BRCA1: variants seen among roughly 807,000 people sequenced by gnomAD.
BRCA1 encodes the protein BRCA1 DNA repair associated.
A neutral mutation model predicts 173.7 loss-of-function variants in BRCA1; 140 were observed. The observed-to-expected ratio is 0.81, with a 90% confidence interval of 0.70 to 0.93. The LOEUF is 0.93. Among genes scored for constraint, BRCA1 ranks in the 40% least tolerant of loss-of-function variants. The pLI is 0.00. For synonymous variants in BRCA1, 662 were observed against 756.0 expected, an observed-to-expected ratio of 0.88 and a Z score of 2.04; for missense variants, 1,983 against 2,172.5, an observed-to-expected ratio of 0.91 and a Z score of 1.73.
chr17:43,138,727 C>T (rs189987468), intron 1 of BRCA1: 27 of 779,300 alleles, frequency 3.5e-5, no homozygotes, highest in Admixed American at 1.5e-4. Context: ...AAGGTAGTCA[C>T]GTGGAATTTG....
intron 2 of BRCA1, among the ~76,000 whole-genome samples, chr17:43,116,359 G>T (rs1356015179): frequency 6.6e-6 from 1 of 151,994 alleles, no homozygotes; most frequent in East Asian, 1.9e-4. Flanking sequence ...CCCTACCCCA[G>T]ATTATTTTAA....
intron 3 of BRCA1, chr17:43,110,433 A>G: frequency 3.3e-6 from 1 of 300,902 alleles, no homozygotes; most frequent in Non-Finnish European, 6.8e-6. Context: ...AGAAAACACA[A>G]AATTTAGCTG....
chr17:43,156,188 G>A (rs1268485437), intron 1 of BRCA1, among the ~76,000 whole-genome samples: 1 of 151,874 alleles, frequency 6.6e-6, no homozygotes, highest in Non-Finnish European at 1.5e-5. Context: ...AGTCAGATGA[G>A]ATTGTGCCAC....
intron 21 of BRCA1, among the ~76,000 whole-genome samples, chr17:43,048,201 C>T (rs911145048): frequency 6.6e-6 from 1 of 152,004 alleles, no homozygotes; most frequent in Non-Finnish European, 1.5e-5. Flanking sequence ...CCCATCATTT[C>T]TCTCTCTCTC....
At position 43,094,704 on chromosome 17, in the gene BRCA1, G is replaced by T. The variant is rs80357436; in HGVS notation, c.827C>A (p.Thr276Lys). ...CTGTAATGAGCTGGCATGAGTATTT[G>T]TGCCACATGGCTCCACATGCAAGTT... ...VSNLHVEPCGTNTHASSLQHE... is the reference protein window; with the variant it reads ...VSNLHVEPCGKNTHASSLQHE... The change falls in exon 10 of 23, where the codon ACA becomes AAA. Residue 276 changes from threonine to lysine, a missense_variant. By Grantham distance (78) the Thr-to-Lys change is moderately conservative (BLOSUM62 -1). Coordinates refer to ENST00000357654, the MANE Select transcript of BRCA1 (RefSeq NM_007294.4). The T allele has an allele frequency of 6.2e-7, 1 of 1,612,390 alleles. No individual in the cohort carries two copies. The highest frequency in any genetic ancestry group is 8.5e-7 in the Non-Finnish European group (1 of 1,178,946).
In BRCA1 at chr17:43,092,098, C is replaced by T. The variant is rs431825396; in HGVS notation, c.3433G>A (p.Val1145Ile). The change falls in exon 10 of 23, where the codon GTT becomes ATT. Residue 1145 changes from valine to isoleucine, a missense_variant. By Grantham distance (29) the Val-to-Ile change is conservative (BLOSUM62 3). Coordinates refer to ENST00000357654, the MANE Select transcript of BRCA1 (RefSeq NM_007294.4). ...AGGTCATCAGGTGTCTCAGAACAAA[C>T]CTGAGATGCATGACTACTTCCCATA... ...QPMGSSHASQ[V>I]CSETPDDLLD... 1.9e-6 allele frequency: 3 copies of T among 1,614,024 alleles called. No individual in the cohort carries two copies. Among genetic ancestry groups the T allele is most frequent in the East Asian group, 4.5e-5 (2 of 44,888 alleles).
At chr17:43,149,352 G>T (rs2154581589) in intron 1 of BRCA1, among the ~76,000 whole-genome samples, 1 of 150,574 alleles carries the variant, frequency 6.6e-6, no homozygotes, top group African/African-American at 2.4e-5. Context: ...CGCCCACCTT[G>T]GCCTCCCAAA....
chr17:43,092,329 T>C lies in BRCA1; in HGVS notation c.3202A>G (p.Ile1068Val). The C allele has an allele frequency of 6.2e-7, 1 of 1,614,014 alleles. No individual in the cohort carries two copies. The highest frequency in any genetic ancestry group is 8.5e-7 in the Non-Finnish European group (1 of 1,180,020). ...CTGTTTCTACCTAGTTCTGCTTGAA[T>C]GTTTTCATCACTGGAACCTATTTCA... is the stretch of plus-strand genomic sequence containing the variant. ...INEIGSSDEN[I>V]QAELGRNRGP... Residue 1068 changes from isoleucine (I) to valine (V), a missense_variant, in exon 10 of 23, where the codon ATT becomes GTT. Physicochemically the swap from Ile to Val is conservative, Grantham distance 29. Transcript: ENST00000357654.
At chr17:43,100,595 T>TGA (rs1491092005) in intron 6 of BRCA1, among the ~76,000 whole-genome samples, 2 of 61,990 alleles carry the variant, frequency 3.2e-5, no homozygotes, top group African/African-American at 1.6e-4. Flanking sequence ...CATATATATA[T>TGA]TATATATATA....
intron 12 of BRCA1, among the ~76,000 whole-genome samples, chr17:43,080,890 TAAAAA>T (rs200147389): frequency 6.7e-6 from 1 of 149,268 alleles, no homozygotes; most frequent in Non-Finnish European, 1.5e-5. Context: ...TGTCTCTACT[TAAAAA>T]AAAAATTAAA....
At chr17:43,115,666 G>C (rs2154565114) in intron 3 of BRCA1, 60 bp downstream of exon 3, 1 of 1,516,852 alleles carries the variant, frequency 6.6e-7, no homozygotes, top group East Asian at 2.3e-5. Context: ...GGTGTTTCCT[G>C]GGTTATGAAG....
At chr17:43,077,368 T>C (rs1295097110) in intron 12 of BRCA1, among the ~76,000 whole-genome samples, 1 of 151,564 alleles carries the variant, frequency 6.6e-6, no homozygotes, top group Non-Finnish European at 1.5e-5. Context: ...TCTCACTCTG[T>C]TGCCCAAGCT....
intron 3 of BRCA1, among the ~76,000 whole-genome samples, chr17:43,113,732 T>C (rs531692713): frequency 6.6e-6 from 1 of 152,192 alleles, no homozygotes; most frequent in Admixed American, 6.6e-5. Context: ...ATAATTTCCT[T>C]CTTCCACAAG....
At chr17:43,081,713 T>C (rs2053008767) in intron 12 of BRCA1, among the ~76,000 whole-genome samples, 2 of 152,224 alleles carry the variant, frequency 1.3e-5, no homozygotes, top group Admixed American at 6.5e-5. Context: ...CTCACTTTCC[T>C]TCATTTATGC....
chr17:43,095,785 C>T (rs2154513023), intron 9 of BRCA1, 61 bp downstream of exon 9: 1 of 1,337,876 alleles, frequency 7.5e-7, no homozygotes, highest in Non-Finnish European at 1.1e-6. Flanking sequence ...AATCTAATTA[C>T]AGTACTGTAT....
chr17:43,082,258 A>G, intron 12 of BRCA1, 146 bp downstream of exon 12: 2 of 905,800 alleles, frequency 2.2e-6, no homozygotes, highest in African/African-American at 1.7e-5. Flanking sequence ...AGTTGTGAGC[A>G]GGGACAAGAA....
chr17:43,112,809 G>A (rs1420256025), intron 3 of BRCA1, among the ~76,000 whole-genome samples: 1 of 133,050 alleles, frequency 7.5e-6, no homozygotes, highest in Non-Finnish European at 1.6e-5. Flanking sequence ...GTTTTTTGTT[G>A]TTTTTTTTTT....
intron 11 of BRCA1, among the ~76,000 whole-genome samples, chr17:43,083,873 TA>T (rs1567784277): frequency 6.6e-6 from 1 of 152,176 alleles, no homozygotes; most frequent in Non-Finnish European, 1.5e-5. Flanking sequence ...TTTATTTATT[TA>T]TTTTTTTTGA....
intron 18 of BRCA1, among the ~76,000 whole-genome samples, chr17:43,062,179 G>T (rs560118426): frequency 7.3e-6 from 1 of 137,480 alleles, no homozygotes; most frequent in South Asian, 2.8e-4. Context: ...CTGCAGCCTT[G>T]AACTCCTGGG....
Sources: gnomAD v4.1 joint callset for allele counts (sites outside exome capture counted in the v4.1 genomes callset) on GRCh38, gnomAD v4.1.1 for gene constraint, MANE v1.5 for transcripts, NCBI Gene and HGNC (gene_info 2026-07-23, HGNC 2026-07-21) for gene names.